ZBTB5: variants seen among roughly 807,000 people sequenced by gnomAD.
ZBTB5 encodes zinc finger and BTB domain-containing protein 5.
ZBTB5 carries 15 observed loss-of-function variants against 37.9 expected under a neutral mutation model. That is an observed-to-expected ratio of 0.40 (90% CI 0.26 to 0.61). ZBTB5 has a LOEUF of 0.61. Ranked by LOEUF, ZBTB5 falls within the 20% of genes least tolerant of loss-of-function variation. The probability of loss-of-function intolerance (pLI) is 0.47; values close to 1 mark genes in which losing one functional copy is unlikely to be tolerated. For missense variants in ZBTB5, 708 were observed against 856.8 expected (o/e 0.83, Z 2.17); for synonymous variants, 315 against 312.4 (o/e 1.01, Z -0.09).
At position 37,440,742 on chromosome 9, in the gene ZBTB5, C is replaced by T; in HGVS notation, c.1810G>A (p.Val604Ile). 1 of 1,614,252 alleles carries T rather than the reference C, an allele frequency of 6.2e-7. No individual in the cohort carries two copies. Among genetic ancestry groups the T allele is most frequent in the Non-Finnish European group, 8.5e-7 (1 of 1,180,044 alleles). The change falls in exon 2 of 2, where the codon GTT (valine) becomes ATT (isoleucine). Residue 604 changes from valine (V) to isoleucine (I), a missense_variant. This residue lies in a region of ZBTB5 where 42 missense variants were observed against 107.9 expected (regional missense o/e 0.39). Transcript: ENST00000307750. ...KCKKALSEHN[V>I]LVVEGARKYA... Reference sequence around the variant, plus strand: ...TTGCGAGCTCCCTCTACAACCAAAACATTGTGCTCTGATAAGGCCTTCTTG... The same window carrying T: ...TTGCGAGCTCCCTCTACAACCAAAATATTGTGCTCTGATAAGGCCTTCTTG...
chr9:37,442,400 G>A lies in ZBTB5; in HGVS notation c.152C>T (p.Ala51Val), dbSNP rs766994678. 1 of 1,614,120 alleles carries A rather than the reference G, an allele frequency of 6.2e-7. No homozygotes were observed. Among genetic ancestry groups the A allele is most frequent in the Admixed American group, 1.7e-5 (1 of 60,022 alleles). The change falls in exon 2 of 2, where the codon GCC becomes GTC. Residue 51 changes from alanine (A) to valine (V), a missense_variant. This residue lies in a region of ZBTB5 where 639 missense variants were observed against 690.5 expected (regional missense o/e 0.93). Coordinates refer to ENST00000307750, the MANE Select transcript of ZBTB5 (RefSeq NM_014872.3). ...VLAACSTHFR[A>V]LFSVAEGDQT... is the part of the protein sequence containing the mutation. ...ATCTCCTTCTGCCACTGAGAACAGG[G>A]CTCGGAAATGCGTGCTGCATGCTGC...
At chr9:37,450,995 T>C (rs889279287) in intron 1 of ZBTB5, among the ~76,000 whole-genome samples, 2 of 151,818 alleles carry the variant, frequency 1.3e-5, no homozygotes, top group African/African-American at 4.8e-5. Context: ...CTGGGCAACA[T>C]GGTGAGACCC....
intron 1 of ZBTB5, among the ~76,000 whole-genome samples, chr9:37,449,902 G>C (rs1824067480): frequency 6.6e-6 from 1 of 152,008 alleles, no homozygotes; most frequent in Admixed American, 6.6e-5. Flanking sequence ...TGTTCAAAAT[G>C]GTGGCTTCAT....
intron 1 of ZBTB5, among the ~76,000 whole-genome samples, chr9:37,452,136 G>C (rs1447592648): frequency 6.6e-6 from 1 of 152,168 alleles, no homozygotes; most frequent in Non-Finnish European, 1.5e-5. Flanking sequence ...TTTGGCCTAC[G>C]CACAGGAATG....
At chr9:37,459,545 C>G (rs900492721) in intron 1 of ZBTB5, among the ~76,000 whole-genome samples, 1 of 150,994 alleles carries the variant, frequency 6.6e-6, no homozygotes, top group Non-Finnish European at 1.5e-5. Context: ...TTACCCCTGA[C>G]AGATCAAGAA....
In ZBTB5 at chr9:37,440,719, G is replaced by T. The variant is rs1371200430; in HGVS notation, c.1833C>A (p.Arg611=). ...TGCAGCAGATTTTGCAGGCATACTTGCGAGCTCCCTCTACAACCAAAACAT... is the reference window on the plus strand; with the variant it reads ...TGCAGCAGATTTTGCAGGCATACTTTCGAGCTCCCTCTACAACCAAAACAT... ...EHNVLVVEGA[R]KYACKICCKT... The change falls in exon 2 of 2, where the codon CGC becomes CGA. Residue 611 remains arginine, a synonymous_variant. Transcript: ENST00000307750. 34 of 1,614,262 alleles carry T rather than the reference G, an allele frequency of 2.1e-5. No homozygotes were observed. Among genetic ancestry groups the T allele is most frequent in the Non-Finnish European group, 2.4e-5 (28 of 1,180,052 alleles).
At chr9:37,443,638 CAAAA>C (rs1040659364) in intron 1 of ZBTB5, among the ~76,000 whole-genome samples, 5 of 152,078 alleles carry the variant, frequency 3.3e-5, no homozygotes, top group Non-Finnish European at 5.9e-5. Context: ...AAAACAAAAA[CAAAA>C]AAACACCAGG....
intron 1 of ZBTB5, among the ~76,000 whole-genome samples, chr9:37,455,559 T>C (rs1824171658): frequency 1.3e-5 from 2 of 152,158 alleles, no homozygotes; most frequent in South Asian, 2.1e-4. Context: ...CACCCACCCC[T>C]AGATGCCACC....
rs778960557 is a variant in ZBTB5 at position 37,455,840 on chromosome 9, AT to A, written c.-5+9374del. On this transcript the variant is annotated intron_variant, in intron 1 of 1. Coordinates refer to ENST00000307750, the MANE Select transcript of ZBTB5 (RefSeq NM_014872.3). Reference sequence around the variant, plus strand: ...CAAGGACCCACTCAAGTAGGCTAGGATTTTTTTTTTTTAAATACAGGTGGGG... The same window carrying A: ...CAAGGACCCACTCAAGTAGGCTAGGATTTTTTTTTTTAAATACAGGTGGGG... Among the ~76,000 whole-genome samples the A allele has an allele frequency of 3.0e-3, 447 of 148,168 alleles. 2 individuals are homozygous for A. The highest frequency in any genetic ancestry group is 7.1e-3 in the African/African-American group (288 of 40,608).
rs374829871 is a variant in ZBTB5 at position 37,449,364 on chromosome 9, C to T, written c.-4-6809G>A. Among the ~76,000 whole-genome samples, 10 of 152,230 alleles carry T rather than the reference C, an allele frequency of 6.6e-5. No individual in the cohort carries two copies. In the East Asian group the frequency reaches 1.2e-3, roughly 18 times the overall value. Reference sequence around the variant, plus strand: ...CAGGCTTGTGGTATCACACATTGCACGGCCTACTCCATGCACTCCACTCTA... The same window carrying T: ...CAGGCTTGTGGTATCACACATTGCATGGCCTACTCCATGCACTCCACTCTA... On this transcript the variant is annotated intron_variant, in intron 1 of 1. Coordinates refer to ENST00000307750, the MANE Select transcript of ZBTB5 (RefSeq NM_014872.3).
At chr9:37,453,367 G>A (rs1239844223) in intron 1 of ZBTB5, among the ~76,000 whole-genome samples, 1 of 151,548 alleles carries the variant, frequency 6.6e-6, no homozygotes, top group African/African-American at 2.4e-5. Context: ...TTTTTGTAGA[G>A]ACAAGGTTCC....
chr9:37,462,916 G>C (rs944147065), intron 1 of ZBTB5, among the ~76,000 whole-genome samples: 1 of 151,934 alleles, frequency 6.6e-6, no homozygotes, highest in Admixed American at 6.6e-5. Context: ...TCCCCATTCT[G>C]AGTCCCTAAG....
At chr9:37,444,084 GAAAAT>G (rs1052343397) in intron 1 of ZBTB5, among the ~76,000 whole-genome samples, 9 of 152,108 alleles carry the variant, frequency 5.9e-5, no homozygotes, top group Non-Finnish European at 1.0e-4. Flanking sequence ...CCCTGTCTCA[GAAAAT>G]AAAATAAAAA....
rs768533081 is a variant in ZBTB5, at chr9:37,442,006, G to A, written c.546C>T (p.Arg182=). The change falls in exon 2 of 2, where the codon CGC becomes CGT. Residue 182 remains arginine, a synonymous_variant. Coordinates refer to ENST00000307750, the MANE Select transcript of ZBTB5 (RefSeq NM_014872.3). ...SSSMRSNLDQ[R]TPFPMRRLHK... ...GAAGGCGTCTCATGGGGAAGGGCGT[G>A]CGCTGATCCAGGTTACTGCGCATGG... 6.2e-7 allele frequency: 1 copy of A among 1,613,856 alleles called. No individual in the cohort carries two copies.
intron 1 of ZBTB5, among the ~76,000 whole-genome samples, chr9:37,457,188 G>A (rs547124126): frequency 6.6e-6 from 1 of 152,282 alleles, no homozygotes; most frequent in Admixed American, 6.5e-5. Context: ...GCCCATAAAG[G>A]TACTTGTGTA....
At chr9:37,457,806 G>A (rs1252999054) in intron 1 of ZBTB5, among the ~76,000 whole-genome samples, 1 of 152,178 alleles carries the variant, frequency 6.6e-6, no homozygotes, top group African/African-American at 2.4e-5. Flanking sequence ...GGTAAAGGTG[G>A]AGAAGGGGTT....
At chr9:37,461,244 C>T (rs1824288240) in intron 1 of ZBTB5, among the ~76,000 whole-genome samples, 1 of 152,138 alleles carries the variant, frequency 6.6e-6, no homozygotes, top group Admixed American at 6.5e-5. Context: ...TTCCTCAAAT[C>T]CTCTTCGCAA....
intron 1 of ZBTB5, among the ~76,000 whole-genome samples, chr9:37,456,518 G>A (rs2118954154): frequency 6.6e-6 from 1 of 152,310 alleles, no homozygotes; most frequent in Non-Finnish European, 1.5e-5. Flanking sequence ...GACTAAAGAT[G>A]AGCATGACTG....
rs1823761039 is a variant in ZBTB5 at position 37,438,250 on chromosome 9, CTA to C, written c.*2266_*2267del. ...AAAGATTCTACATGATCACGCCAGA[CTA>C]TAATTAAGGCTAACCAATCAAAATT... On this transcript the variant is annotated 3_prime_UTR_variant, in exon 2 of 2. Coordinates refer to ENST00000307750, the MANE Select transcript of ZBTB5 (RefSeq NM_014872.3). 1 of 152,608 alleles carries C rather than the reference CTA, an allele frequency of 6.6e-6. No homozygotes were observed. Among genetic ancestry groups the C allele is most frequent in the African/African-American group, 2.4e-5 (1 of 41,430 alleles). 9.5% of individuals were successfully genotyped at this position (152,608 alleles called of 1,614,324 possible).
Sources: gnomAD v4.1 joint callset for allele counts (sites outside exome capture counted in the v4.1 genomes callset) on GRCh38, gnomAD v4.1.1 for gene constraint, gnomAD v4.1.1 regional missense constraint, MANE v1.5 for transcripts, NCBI Gene and HGNC (gene_info 2026-07-23, HGNC 2026-07-21) for gene names.